SLC26A7: variants seen among roughly 807,000 people sequenced by gnomAD.
SLC26A7 encodes the protein solute carrier family 26 member 7.
In SLC26A7, 59 loss-of-function variants were observed where a neutral mutation model predicts 82.5. That is an observed-to-expected ratio of 0.72 (90% CI 0.58 to 0.89). The LOEUF (loss-of-function observed/expected upper bound fraction) is 0.89. SLC26A7 is among the 40% of genes least tolerant of loss of function. The pLI is 0.00. For synonymous variants in SLC26A7, 271 were observed against 274.3 expected (o/e 0.99, Z 0.12); for missense variants, 820 against 793.0 (o/e 1.03, Z -0.41).
chr8:91,220,080 T>C (rs1286279025), intron 2 of SLC26A7, among the ~76,000 whole-genome samples: 1 of 152,120 alleles, frequency 6.6e-6, no homozygotes. Flanking sequence ...GCCTCTGGCA[T>C]AACTGAGAAA....
chr8:91,358,532 A>G (rs1813947648), intron 11 of SLC26A7, among the ~76,000 whole-genome samples: 2 of 151,730 alleles, frequency 1.3e-5, no homozygotes, highest in Admixed American at 1.3e-4. Context: ...GGGTTTCTCC[A>G]TGTTAGTCAG....
At position 91,395,099 on chromosome 8, in the gene SLC26A7, A is replaced by G; in HGVS notation, c.*2A>G. On this transcript the variant is annotated 3_prime_UTR_variant, in exon 19 of 19. Coordinates refer to ENST00000276609, the MANE Select transcript of SLC26A7 (RefSeq NM_052832.4). ...CTCAGTGACCACAGTGAAGTCTGAGACCCTTTTGTCACAGTACAGCTCTTG... is the reference window on the plus strand; with the variant it reads ...CTCAGTGACCACAGTGAAGTCTGAGGCCCTTTTGTCACAGTACAGCTCTTG... The G allele has an allele frequency of 6.2e-7, 1 of 1,613,346 alleles. No homozygotes were observed. The highest frequency in any genetic ancestry group is 1.3e-5 in the African/African-American group (1 of 74,980).
At chr8:91,283,458 A>G (rs1156313751) in intron 2 of SLC26A7, among the ~76,000 whole-genome samples, 1 of 152,060 alleles carries the variant, frequency 6.6e-6, no homozygotes, top group Non-Finnish European at 1.5e-5. Flanking sequence ...TTTCATTTTC[A>G]TTGAAAAGGC....
chr8:91,246,943 A>G (rs1810552784), upstream of SLC26A7, among the ~76,000 whole-genome samples: 1 of 152,218 alleles, frequency 6.6e-6, no homozygotes, highest in Non-Finnish European at 1.5e-5. Context: ...CTCCTAGAAT[A>G]CAGAGGTAGT....
chr8:91,242,075 AAC>A (rs1433014980), intron 2 of SLC26A7, among the ~76,000 whole-genome samples: 2 of 152,218 alleles, frequency 1.3e-5, no homozygotes, highest in Non-Finnish European at 1.5e-5. Flanking sequence ...TCTTCTGAGT[AAC>A]ACAATAGTTT....
At chr8:91,369,157 T>C (rs1174148329) in intron 14 of SLC26A7, among the ~76,000 whole-genome samples, 1 of 152,348 alleles carries the variant, frequency 6.6e-6, no homozygotes, top group East Asian at 1.9e-4. Context: ...GACTCTTTCA[T>C]ATAAAAAATA....
At chr8:91,277,165 T>C (rs1811429412) in intron 2 of SLC26A7, among the ~76,000 whole-genome samples, 1 of 152,182 alleles carries the variant, frequency 6.6e-6, no homozygotes. Context: ...CCTCTTTCTT[T>C]GGGAATAAAC....
chr8:91,341,799 C>T (rs1392120737), intron 8 of SLC26A7, among the ~76,000 whole-genome samples: 3 of 152,146 alleles, frequency 2.0e-5, no homozygotes, highest in East Asian at 3.9e-4. Flanking sequence ...GTGCTAACAC[C>T]ACCACCTTGC....
At chr8:91,212,150 G>T (rs967458142) in intron 1 of SLC26A7, among the ~76,000 whole-genome samples, 1 of 152,076 alleles carries the variant, frequency 6.6e-6, no homozygotes, top group Admixed American at 6.5e-5. Flanking sequence ...AGCTACTAAT[G>T]ATATAAATCT....
chr8:91,235,178 C>A (rs1217441392), intron 2 of SLC26A7, among the ~76,000 whole-genome samples: 1 of 152,182 alleles, frequency 6.6e-6, no homozygotes, highest in Non-Finnish European at 1.5e-5. Flanking sequence ...TTCACCTCAG[C>A]CTCCTAAAGT....
intron 4 of SLC26A7, among the ~76,000 whole-genome samples, chr8:91,310,093 C>T (rs192169812): frequency 6.6e-6 from 1 of 152,206 alleles, no homozygotes; most frequent in Non-Finnish European, 1.5e-5. Context: ...CTGGTTCTGG[C>T]TGGGACCAAT....
chr8:91,277,737 G>C (rs1467035625), intron 2 of SLC26A7, among the ~76,000 whole-genome samples: 2 of 152,022 alleles, frequency 1.3e-5, no homozygotes, highest in Admixed American at 6.5e-5. Context: ...TTTAATGGAG[G>C]CTTTTTCAAT....
intron 2 of SLC26A7, among the ~76,000 whole-genome samples, chr8:91,236,162 C>A (rs773883668): frequency 6.6e-6 from 1 of 151,914 alleles, no homozygotes; most frequent in Non-Finnish European, 1.5e-5. Context: ...AATTTCTTTT[C>A]CAAAAGAAAA....
At chr8:91,288,681 G>A (rs922325179) in intron 2 of SLC26A7, among the ~76,000 whole-genome samples, 11 of 152,118 alleles carry the variant, frequency 7.2e-5, no homozygotes, top group Admixed American at 2.6e-4. Flanking sequence ...TTGAGTATGC[G>A]TCCTTTTTGT....
At chr8:91,358,113 G>A (rs933785762) in intron 11 of SLC26A7, among the ~76,000 whole-genome samples, 1 of 152,108 alleles carries the variant, frequency 6.6e-6, no homozygotes, top group African/African-American at 2.4e-5. Context: ...GGAAACAACA[G>A]GTGCTGGAGA....
chr8:91,248,939 C>A (rs748195868), upstream of SLC26A7, among the ~76,000 whole-genome samples: 7 of 152,132 alleles, frequency 4.6e-5, no homozygotes, highest in Non-Finnish European at 8.8e-5. Flanking sequence ...CCAGACTGGG[C>A]AGTAGCTATC....
intron 2 of SLC26A7, among the ~76,000 whole-genome samples, chr8:91,278,029 T>G (rs934854469): frequency 2.0e-5 from 3 of 152,128 alleles, no homozygotes; most frequent in African/African-American, 7.2e-5. Context: ...GTTGGGACCA[T>G]GCCCCCTGCA....
intron 1 of SLC26A7, among the ~76,000 whole-genome samples, chr8:91,210,223 A>G (rs188935114): frequency 1.8e-3 from 271 of 152,294 alleles, no homozygotes; most frequent in Non-Finnish European, 1.3e-3. Flanking sequence ...AGCAAAGTTA[A>G]GTAGTTTGTT....
intron 2 of SLC26A7, among the ~76,000 whole-genome samples, chr8:91,235,329 G>A (rs534184434): frequency 6.6e-6 from 1 of 152,252 alleles, no homozygotes; most frequent in Non-Finnish European, 1.5e-5. Flanking sequence ...AGGAGAACTA[G>A]AGGAGATGGA....
Sources: allele counts gnomAD v4.1 joint callset (sites outside exome capture counted in the v4.1 genomes callset), GRCh38; gene constraint gnomAD v4.1.1; transcripts MANE v1.5; gene names NCBI Gene and HGNC (gene_info 2026-07-23, HGNC 2026-07-21).